Variants in ANKFY1 observed in about 807,000 individuals in gnomAD.
The protein encoded by ANKFY1 is ankyrin repeat and FYVE domain containing 1, also known as ankyrin repeat and FYVE domain-containing protein 1.
A neutral mutation model predicts 128.3 loss-of-function variants in ANKFY1; 47 were observed. That is an observed-to-expected ratio of 0.37 (90% CI 0.29 to 0.47). The LOEUF (loss-of-function observed/expected upper bound fraction) is 0.47. Among genes scored for constraint, ANKFY1 ranks in the 20% least tolerant of loss-of-function variants. The pLI is 1.00. For synonymous variants in ANKFY1, 553 were observed against 601.6 expected, an observed-to-expected ratio of 0.92 and a Z score of 1.18; for missense variants, 1,222 against 1,510.6, an observed-to-expected ratio of 0.81 and a Z score of 3.17.
chr17:4,202,616 G>A (rs2059950796), intron 7 of ANKFY1, among the ~76,000 whole-genome samples: 1 of 139,082 alleles, frequency 7.2e-6, no homozygotes, highest in South Asian at 2.4e-4. Context: ...AGAATGGCGT[G>A]AACCCGGGAG....
In ANKFY1 at chr17:4,217,010, C is replaced by T. The variant is rs764442001; in HGVS notation, c.431G>A (p.Arg144Gln). 11 of 1,614,022 alleles carry T rather than the reference C, an allele frequency of 6.8e-6. No homozygotes were observed. The highest frequency in any genetic ancestry group is 2.7e-5 in the African/African-American group (2 of 74,918). The change falls in exon 4 of 25, where the codon CGG becomes CAG. Residue 144 changes from arginine (R) to glutamine (Q), a missense_variant. Transcript: ENST00000341657. ...CTCCCTGAGGAGCTGTAGCTGAAAC[C>T]GATTTGCTAGTTTCATCAGTTCAGT... ...FLTELMKLAN[R>Q]FQLQLLRERC...
rs1266666877 is a variant in ANKFY1, at chr17:4,209,921, A to G, written c.485T>C (p.Val162Ala). ...GAAGCGAATACAGTTCCTGACATTCACTAGAGACATAACACCCTTCTCACA... is the reference window on the plus strand; with the variant it reads ...GAAGCGAATACAGTTCCTGACATTCGCTAGAGACATAACACCCTTCTCACA... Reference protein sequence around the residue: ...ERCEKGVMSLVNVRNCIRFYQ... With the variant: ...ERCEKGVMSLANVRNCIRFYQ... Residue 162 changes from valine (V) to alanine (A), a missense_variant, in exon 5 of 25, where the codon GTG (valine) becomes GCG (alanine). Coordinates refer to ENST00000341657, the MANE Select transcript of ANKFY1 (RefSeq NM_001330063.2). 6.2e-7 allele frequency: 1 copy of G among 1,613,606 alleles called. No homozygotes were observed. The highest frequency in any genetic ancestry group is 8.5e-7 in the Non-Finnish European group (1 of 1,179,652).
chr17:4,237,576 T>C (rs2143314072), intron 2 of ANKFY1, among the ~76,000 whole-genome samples: 1 of 152,280 alleles, frequency 6.6e-6, no homozygotes, highest in African/African-American at 2.4e-5. Flanking sequence ...CAACCACGAG[T>C]ATAACTTTTA....
At chr17:4,246,444 A>G (rs1251413732) in intron 1 of ANKFY1, among the ~76,000 whole-genome samples, 2 of 152,178 alleles carry the variant, frequency 1.3e-5, no homozygotes. Flanking sequence ...CTCTCCTCCA[A>G]GAGTTCACTG....
At chr17:4,212,025 G>GGA (rs1366940210) in intron 4 of ANKFY1, among the ~76,000 whole-genome samples, 3 of 152,212 alleles carry the variant, frequency 2.0e-5, no homozygotes, top group Admixed American at 6.5e-5. Context: ...ATATGGCATT[G>GGA]GAAAGACCAC....
intron 3 of ANKFY1, among the ~76,000 whole-genome samples, chr17:4,227,951 A>T (rs1358574912): frequency 1.3e-5 from 2 of 152,208 alleles, no homozygotes; most frequent in African/African-American, 4.8e-5. Context: ...ATTTTGCAAG[A>T]CAGTTTGGTA....
At chr17:4,176,157 C>G (rs988619907) in intron 19 of ANKFY1, among the ~76,000 whole-genome samples, 1 of 152,246 alleles carries the variant, frequency 6.6e-6, no homozygotes, top group Admixed American at 6.5e-5. Context: ...GGTCTCGTCA[C>G]TGGTGAGCCC....
chr17:4,190,171 T>C lies in ANKFY1; in HGVS notation c.1373-692A>G, dbSNP rs568649120. Among the ~76,000 whole-genome samples the C allele has an allele frequency of 9.8e-5, 15 of 152,316 alleles. No homozygotes were observed. In the East Asian group the frequency reaches 2.9e-3, roughly 29 times the overall value. Reference sequence around the variant, plus strand: ...TGTCTGTAGATGTTGGCCAGTGTGGTGGCTCACAGCAGTCATCCCAGCACT... The same window carrying C: ...TGTCTGTAGATGTTGGCCAGTGTGGCGGCTCACAGCAGTCATCCCAGCACT... On this transcript the variant is annotated intron_variant, in intron 10 of 24. Transcript: ENST00000341657.
chr17:4,200,720 A>G (rs141734896), intron 7 of ANKFY1, among the ~76,000 whole-genome samples: 34 of 152,338 alleles, frequency 2.2e-4, no homozygotes, highest in Admixed American at 3.3e-4. Flanking sequence ...GGATCTTTCC[A>G]TAGGATGTGC....
At position 4,184,850 on chromosome 17, in the gene ANKFY1, G is replaced by A. The variant is rs2059582009; in HGVS notation, c.1667C>T (p.Pro556Leu). 2.0e-5 allele frequency: 32 copies of A among 1,613,630 alleles called. No individual in the cohort carries two copies. Among genetic ancestry groups the A allele is most frequent in the Non-Finnish European group, 2.5e-5 (30 of 1,180,042 alleles). ...PLHMAIAYNH[P>L]DVVSVILEQK... ...CTCCAGGATGACAGACACCACATCC[G>A]GATGGTTATAGGCGATCGCCATGTG... The change falls in exon 12 of 25, where the codon CCG (proline) becomes CTG (leucine). Residue 556 changes from proline (P) to leucine (L), a missense_variant. Transcript: ENST00000341657.
intron 1 of ANKFY1, among the ~76,000 whole-genome samples, chr17:4,250,190 T>G (rs1384938046): frequency 6.6e-6 from 1 of 152,200 alleles, no homozygotes; most frequent in African/African-American, 2.4e-5. Context: ...CATGGTCTCA[T>G]GCATACCCAT....
At chr17:4,194,026 AGGATTACAGGTGTGAGCTACCATGCTTTG>A (rs1373199048) in intron 10 of ANKFY1, among the ~76,000 whole-genome samples, 4 of 148,982 alleles carry the variant, frequency 2.7e-5, no homozygotes, top group Non-Finnish European at 5.9e-5. Flanking sequence ...CCAAAGTGCT[AGGATTACAGGTGTGAGCTACCATGCTTTG>A]GGATTACAGG....
chr17:4,261,606 C>A (rs1377170933), intron 1 of ANKFY1, among the ~76,000 whole-genome samples: 1 of 152,206 alleles, frequency 6.6e-6, no homozygotes, highest in African/African-American at 2.4e-5. Flanking sequence ...AGAGACACCC[C>A]ACTGGCGAGA....
chr17:4,178,198 A>G lies in ANKFY1; in HGVS notation c.2598+659T>C, dbSNP rs1598016847. 6.5e-6 allele frequency: 1 copy of G among 153,346 alleles called. No individual in the cohort carries two copies. Among genetic ancestry groups the G allele is most frequent in the African/African-American group, 2.4e-5 (1 of 41,462 alleles). The allele number at this position is 153,346 out of a possible 1,614,324, so 9.5% of individuals were successfully genotyped here. On this transcript the variant is annotated intron_variant, in intron 18 of 24. Transcript: ENST00000341657. The surrounding 1 kb of genome is among the most constrained non-coding windows in gnomAD (Gnocchi z 4.1). ...TTACGGAAGCCTAAGACACCAAGCA[A>G]TCATCTCCACCCATGCGAGGATCTC... is the stretch of plus-strand genomic sequence containing the variant.
At chr17:4,184,257 T>C (rs2059570923) in intron 12 of ANKFY1, among the ~76,000 whole-genome samples, 5 of 152,148 alleles carry the variant, frequency 3.3e-5, no homozygotes, top group Admixed American at 2.6e-4. Flanking sequence ...GTCTTAAAAC[T>C]TCTGTGAGGA....
chr17:4,223,754 C>A (rs2060369307), intron 3 of ANKFY1: 1 of 1,569,100 alleles, frequency 6.4e-7, no homozygotes, highest in African/African-American at 1.4e-5. Flanking sequence ...GGCCTTAGAT[C>A]CGGGGGAGAG....
chr17:4,231,208 T>C (rs1234368417), intron 3 of ANKFY1, among the ~76,000 whole-genome samples: 6 of 152,202 alleles, frequency 3.9e-5, no homozygotes, highest in African/African-American at 1.2e-4. Context: ...AAAAATCCTA[T>C]ACAAGAGCCA....
chr17:4,173,769 C>T, intron 20 of ANKFY1, 140 bp downstream of exon 20: 1 of 1,219,988 alleles, frequency 8.2e-7, no homozygotes, highest in Non-Finnish European at 1.1e-6. Context: ...GTTGGATGCT[C>T]TACCCAGAGC....
chr17:4,208,005 G>A lies in ANKFY1; in HGVS notation c.660C>T (p.Tyr220=), dbSNP rs1567944718. The A allele has an allele frequency of 1.9e-6, 3 of 1,611,536 alleles. No homozygotes were observed. The highest frequency in any genetic ancestry group is 2.5e-6 in the Non-Finnish European group (3 of 1,179,008). ...LYKMIKSKTE[Y]PLHKAIKVER... ...CCACTTTGATGGCTTTATGTAGCGGGTACTCTGTCTTGGATTTGATCATTT... is the reference window on the plus strand; with the variant it reads ...CCACTTTGATGGCTTTATGTAGCGGATACTCTGTCTTGGATTTGATCATTT... The change falls in exon 6 of 25, where the codon TAC becomes TAT. Residue 220 remains tyrosine, a synonymous_variant. Transcript: ENST00000341657.
Sources: allele counts gnomAD v4.1 joint callset (sites outside exome capture counted in the v4.1 genomes callset), GRCh38; gene constraint gnomAD v4.1.1; non-coding constraint Gnocchi (gnomAD v3.1); transcripts MANE v1.5; gene names NCBI Gene and HGNC (gene_info 2026-07-23, HGNC 2026-07-21).